The following NDUFS4 variants were observed in gnomAD, a reference collection of about 807,000 sequenced individuals.
The protein encoded by NDUFS4 is NADH dehydrogenase [ubiquinone] iron-sulfur protein 4, mitochondrial.
Under a neutral mutation model 24.3 loss-of-function variants are expected in NDUFS4, and 28 were observed. That is an observed-to-expected ratio of 1.15 (90% CI 0.85 to 1.58). The LOEUF (loss-of-function observed/expected upper bound fraction) is 1.58, where lower values mean the gene tolerates loss of function less well. Among genes scored for constraint, NDUFS4 ranks in the 40% most tolerant of loss-of-function variants. The pLI is 0.00. For synonymous variants in NDUFS4, 93 were observed against 69.7 expected, an observed-to-expected ratio of 1.34 and a Z score of -1.67; for missense variants, 223 against 207.9, an observed-to-expected ratio of 1.07 and a Z score of -0.45.
intron 4 of NDUFS4, among the ~76,000 whole-genome samples, chr5:53,675,640 T>C (rs974645397): frequency 2.6e-5 from 4 of 152,192 alleles, no homozygotes; most frequent in African/African-American, 7.2e-5. Context: ...AATGATGAAA[T>C]ACCAAAGAGC....
In NDUFS4 at chr5:53,604,652, TTAGAG is replaced by T. The variant is rs530474081; in HGVS notation, c.177+1125_177+1129del. 250 of 425,370 alleles carry T rather than the reference TTAGAG, an allele frequency of 5.9e-4. 1 individual carries two copies. Among genetic ancestry groups the T allele is most frequent in the Non-Finnish European group, 9.9e-4 (210 of 211,370 alleles). 26.3% of individuals were successfully genotyped at this position (425,370 alleles called of 1,614,324 possible). A position where few individuals can be genotyped will look rare whatever the true frequency, so the allele number is the denominator to read the frequency against. On this transcript the variant is annotated intron_variant, in intron 2 of 4. Coordinates refer to ENST00000296684, the MANE Select transcript of NDUFS4 (RefSeq NM_002495.4). Reference sequence around the variant, plus strand: ...CGTCCTTTGGTGCTTCCTGTTGCCCTTAGAGTAAACACTAAAATCCTAACATGGTC... The same window carrying T: ...CGTCCTTTGGTGCTTCCTGTTGCCCTTAAACACTAAAATCCTAACATGGTC...
chr5:53,613,286 G>T (rs1750753861), intron 2 of NDUFS4, among the ~76,000 whole-genome samples: 1 of 152,000 alleles, frequency 6.6e-6, no homozygotes, highest in South Asian at 2.1e-4. Context: ...AAATTTCAAG[G>T]CTTTAGTCTG....
At chr5:53,635,571 A>G (rs1751527940) in intron 2 of NDUFS4, among the ~76,000 whole-genome samples, 1 of 152,176 alleles carries the variant, frequency 6.6e-6, no homozygotes, top group South Asian at 2.1e-4. Context: ...ATTGGGTTAA[A>G]AAGCAAATCC....
chr5:53,682,335 C>T (rs145661989), intron 4 of NDUFS4, among the ~76,000 whole-genome samples: 1 of 152,000 alleles, frequency 6.6e-6, no homozygotes, highest in African/African-American at 2.4e-5. Flanking sequence ...AATATAAATA[C>T]TCAGAAGAGA....
intron 1 of NDUFS4, among the ~76,000 whole-genome samples, chr5:53,570,316 G>A (rs10077935): frequency 0.69 from 105,276 of 151,982 alleles, 36,974 homozygotes; most frequent in African/African-American, 0.8. Context: ...ATTCAGCCTG[G>A]TGCCTTTGAA....
intron 1 of NDUFS4, among the ~76,000 whole-genome samples, chr5:53,565,172 T>C (rs1267314503): frequency 6.6e-6 from 1 of 152,220 alleles, no homozygotes; most frequent in Non-Finnish European, 1.5e-5. Context: ...GGGTCTGCTG[T>C]TTTAGCCCAC....
intron 1 of NDUFS4, among the ~76,000 whole-genome samples, chr5:53,599,820 T>C (rs1199592481): frequency 6.6e-6 from 1 of 152,084 alleles, no homozygotes; most frequent in Non-Finnish European, 1.5e-5. Context: ...CTAGGCTTTA[T>C]ATCTTTTTTT....
At chr5:53,575,555 T>C (rs1579825476) in intron 1 of NDUFS4, among the ~76,000 whole-genome samples, 1 of 106,020 alleles carries the variant, frequency 9.4e-6, no homozygotes, top group African/African-American at 3.9e-5. Context: ...TTTTTTTTTT[T>C]TTTGCAGACA....
chr5:53,583,527 A>G (rs1254378609), intron 1 of NDUFS4, among the ~76,000 whole-genome samples: 1 of 152,200 alleles, frequency 6.6e-6, no homozygotes, highest in African/African-American at 2.4e-5. Context: ...AGAATGCTTG[A>G]TATGCAGTAT....
At chr5:53,668,616 ATTTTTTT>A (rs951595795) in intron 4 of NDUFS4, among the ~76,000 whole-genome samples, 11 of 132,342 alleles carry the variant, frequency 8.3e-5, no homozygotes, top group Admixed American at 7.7e-5. Flanking sequence ...TGTCCAGCTA[ATTTTTTT>A]TTTTTTTTTT....
At chr5:53,634,724 G>A (rs1751500076) in intron 2 of NDUFS4, among the ~76,000 whole-genome samples, 1 of 152,012 alleles carries the variant, frequency 6.6e-6, no homozygotes. Flanking sequence ...AAGTAGCTGG[G>A]ATTACAGGCA....
At chr5:53,598,482 T>G (rs1327868508) in intron 1 of NDUFS4, among the ~76,000 whole-genome samples, 2 of 152,300 alleles carry the variant, frequency 1.3e-5, no homozygotes, top group Admixed American at 6.5e-5. Context: ...TCAGTTCCAC[T>G]TACTAGAATC....
intron 2 of NDUFS4, among the ~76,000 whole-genome samples, chr5:53,644,134 A>G (rs1314063620): frequency 6.6e-6 from 1 of 152,170 alleles, no homozygotes; most frequent in Non-Finnish European, 1.5e-5. Context: ...TAAAATCTTA[A>G]GTTTTTTAAT....
At chr5:53,670,861 A>G (rs926943346) in intron 4 of NDUFS4, among the ~76,000 whole-genome samples, 3 of 151,478 alleles carry the variant, frequency 2.0e-5, no homozygotes, top group Admixed American at 6.6e-5. Context: ...TAGTGTCCCT[A>G]TAGTACCTCT....
intron 1 of NDUFS4, among the ~76,000 whole-genome samples, chr5:53,593,403 GTCTC>G (rs141885291): frequency 1.2e-4 from 18 of 145,658 alleles, no homozygotes; most frequent in South Asian, 2.2e-4. Flanking sequence ...TTAGGGCTTT[GTCTC>G]TCTCTCTCTC....
At chr5:53,644,198 C>A (rs1407922355) in intron 2 of NDUFS4, among the ~76,000 whole-genome samples, 1 of 151,990 alleles carries the variant, frequency 6.6e-6, no homozygotes, top group Non-Finnish European at 1.5e-5. Flanking sequence ...AAAGTGTTTC[C>A]TCTAATCTTC....
chr5:53,607,704 A>G (rs116059814), intron 2 of NDUFS4, among the ~76,000 whole-genome samples: 1,554 of 152,314 alleles, frequency 0.01, 21 homozygotes, highest in African/African-American at 0.035. Flanking sequence ...GTATGAAAAT[A>G]TTAAGGCTAT....
chr5:53,640,251 A>G (rs1482877196), intron 2 of NDUFS4, among the ~76,000 whole-genome samples: 1 of 152,060 alleles, frequency 6.6e-6, no homozygotes, highest in Non-Finnish European at 1.5e-5. Flanking sequence ...AGGGGAACAT[A>G]TCAAGATTCA....
At chr5:53,642,167 G>A (rs994245669) in intron 2 of NDUFS4, among the ~76,000 whole-genome samples, 27 of 152,236 alleles carry the variant, frequency 1.8e-4, no homozygotes, top group African/African-American at 5.3e-4. Flanking sequence ...GCAACCGGAA[G>A]TAATTACTAA....
Sources: gnomAD v4.1 joint callset for allele counts (sites outside exome capture counted in the v4.1 genomes callset) on GRCh38, gnomAD v4.1.1 for gene constraint, MANE v1.5 for transcripts, NCBI Gene and HGNC (gene_info 2026-07-23, HGNC 2026-07-21) for gene names.